Variants in CYP4X1 observed in about 807,000 individuals in gnomAD.
CYP4X1 encodes the protein cytochrome P450 family 4 subfamily X member 1, also known as cytochrome P450 4X1.
A neutral mutation model predicts 57.9 loss-of-function variants in CYP4X1; 44 were observed. The observed-to-expected ratio is 0.76, with a 90% CI of 0.60 to 0.98. The LOEUF (loss-of-function observed/expected upper bound fraction) is 0.98, where lower values mean the gene tolerates loss of function less well. Ranked by LOEUF, CYP4X1 falls within the 50% of genes least tolerant of loss-of-function variation. The pLI is 0.00. For missense variants in CYP4X1, 532 were observed against 623.9 expected (o/e 0.85, Z 1.57); for synonymous variants, 227 against 228.6 (o/e 0.99, Z 0.06).
the CYP4X1 span, chr1:46,961,778 T>A: frequency 7.7e-7 from 1 of 1,304,832 alleles, no homozygotes; most frequent in Non-Finnish European, 1.0e-6. Context: ...CCTGCCTTTC[T>A]TGCCTTGCCC....
Position 47,050,294 on chromosome 1 carries a change from G to A in CYP4X1, c.*120G>A, listed in dbSNP as rs901805444. ...GAGGATTGGAGGTTGGTGGGATAGG[G>A]GTCTCTGTGAAGAGATCCAAAATCA... On this transcript the variant is annotated 3_prime_UTR_variant, in exon 12 of 12. Transcript: ENST00000371901. 26 of 1,146,824 alleles carry A rather than the reference G, an allele frequency of 2.3e-5. 1 individual carries two copies. The Admixed American group carries it at 2.4e-4, about 11-fold the overall frequency. 71.0% of individuals were successfully genotyped at this position (1,146,824 alleles called of 1,614,324 possible).
the CYP4X1 span, among the ~76,000 whole-genome samples, chr1:46,980,960 GCACCTTATA>G: frequency 6.6e-6 from 1 of 151,980 alleles, no homozygotes; most frequent in Non-Finnish European, 1.5e-5. Context: ...TCCCTTCCTT[GCACCTTATA>G]CAAAATTTAA....
At chr1:47,035,615 C>T (rs766004796) in intron 4 of CYP4X1, among the ~76,000 whole-genome samples, 191 bp from the exon 5 acceptor site, 12 of 152,154 alleles carry the variant, frequency 7.9e-5, no homozygotes, top group Admixed American at 1.3e-4. Flanking sequence ...CTTCTCACTC[C>T]GCTGGGTGTA....
At chr1:47,006,435 A>G in the CYP4X1 span, among the ~76,000 whole-genome samples, 1 of 152,176 alleles carries the variant, frequency 6.6e-6, no homozygotes, top group East Asian at 1.9e-4. Flanking sequence ...CTGATTCAGA[A>G]GTTATCTAAG....
chr1:46,998,441 T>C, the CYP4X1 span, among the ~76,000 whole-genome samples: 1 of 152,184 alleles, frequency 6.6e-6, no homozygotes, highest in African/African-American at 2.4e-5. Context: ...AGTTTTTTCT[T>C]TTTGAGCTTT....
At chr1:46,990,119 A>C in the CYP4X1 span, among the ~76,000 whole-genome samples, 1 of 152,258 alleles carries the variant, frequency 6.6e-6, no homozygotes, top group East Asian at 1.9e-4. Context: ...AGCATCCTAC[A>C]GAATGGGAGA....
At chr1:47,047,228 G>T (rs1349377144) in intron 9 of CYP4X1, among the ~76,000 whole-genome samples, 2 of 152,158 alleles carry the variant, frequency 1.3e-5, no homozygotes, top group Non-Finnish European at 2.9e-5. Flanking sequence ...CCTGAGTCTG[G>T]AGCCTAGAGT....
chr1:47,050,720 T>A lies in CYP4X1; in HGVS notation c.*546T>A, dbSNP rs978232603. On this transcript the variant is annotated 3_prime_UTR_variant, in exon 12 of 12. Coordinates refer to ENST00000371901, the MANE Select transcript of CYP4X1 (RefSeq NM_178033.2). ...TCATTCCTATATTGTTATTGATTTT[T>A]TTCACTTAATAAAAATTCACCTTAT... 6.6e-6 allele frequency: 1 copy of A among 152,266 alleles called. No homozygotes were observed. Among genetic ancestry groups the A allele is most frequent in the African/African-American group, 2.4e-5 (1 of 41,444 alleles). The allele number at this position is 152,266 out of a possible 1,614,324, so 9.4% of individuals were successfully genotyped here.
chr1:47,046,645 C>A (rs1644306144), intron 9 of CYP4X1, 45 bp downstream of exon 9: 1 of 1,612,858 alleles, frequency 6.2e-7, no homozygotes, highest in African/African-American at 1.3e-5. Context: ...GCTATGGGAT[C>A]CTGGAGACCA....
At chr1:46,964,120 TTGG>T in the CYP4X1 span, among the ~76,000 whole-genome samples, 3 of 152,210 alleles carry the variant, frequency 2.0e-5, no homozygotes, top group Non-Finnish European at 4.4e-5. Flanking sequence ...CTTCTCTACA[TTGG>T]TTATTCTAGT....
upstream of CYP4X1, among the ~76,000 whole-genome samples, chr1:47,021,269 T>C (rs1643993805): frequency 6.6e-6 from 1 of 151,932 alleles, no homozygotes; most frequent in East Asian, 1.9e-4. Context: ...ATTTTCTAAA[T>C]TCCTTTCTCT....
the CYP4X1 span, among the ~76,000 whole-genome samples, chr1:46,968,317 GTCCCTGCT>G: frequency 6.6e-6 from 1 of 151,996 alleles, no homozygotes; most frequent in African/African-American, 2.4e-5. Context: ...ACTCTCTGGC[GTCCCTGCT>G]TCCCCTTTCT....
In CYP4X1 at chr1:47,035,860, C is replaced by T. The variant is rs1644174223; in HGVS notation, c.547C>T (p.His183Tyr). The T allele has an allele frequency of 6.2e-7, 1 of 1,613,642 alleles. No individual in the cohort carries two copies. The highest frequency in any genetic ancestry group is 8.5e-7 in the Non-Finnish European group (1 of 1,179,752). Residue 183 changes from histidine (H) to tyrosine (Y), a missense_variant, in exon 5 of 12, where the codon CAC (histidine) becomes TAC (tyrosine). By Grantham distance (83) the His-to-Tyr change is moderately conservative. Coordinates refer to ENST00000371901, the MANE Select transcript of CYP4X1 (RefSeq NM_178033.2). Reference protein sequence around the residue: ...TQDTSVEVYEHINSMSLDIIM... With the variant: ...TQDTSVEVYEYINSMSLDIIM... ...GGACACAAGCGTGGAGGTCTATGAGCACATCAACTCGATGTCTCTGGATAT... is the reference window on the plus strand; with the variant it reads ...GGACACAAGCGTGGAGGTCTATGAGTACATCAACTCGATGTCTCTGGATAT...
chr1:46,991,428 C>T, the CYP4X1 span, among the ~76,000 whole-genome samples: 1 of 152,144 alleles, frequency 6.6e-6, no homozygotes, highest in Non-Finnish European at 1.5e-5. Flanking sequence ...GGGAATTCCA[C>T]GCTTACCTCC....
At chr1:47,052,872 T>G (rs538545273), downstream of CYP4X1, among the ~76,000 whole-genome samples, 7 of 152,340 alleles carry the variant, frequency 4.6e-5, no homozygotes, top group East Asian at 1.3e-3. Flanking sequence ...GTGATTTGTC[T>G]GTACACTGTT....
upstream of CYP4X1, among the ~76,000 whole-genome samples, chr1:47,021,033 T>C (rs1448027456): frequency 6.7e-6 from 1 of 149,092 alleles, no homozygotes; most frequent in African/African-American, 2.5e-5. Flanking sequence ...GGGGCTTATT[T>C]CCATCTAGAG....
chr1:47,022,279 C>G (rs1644005436), upstream of CYP4X1, among the ~76,000 whole-genome samples: 2 of 142,336 alleles, frequency 1.4e-5, no homozygotes, highest in African/African-American at 2.6e-5. Context: ...CCCCTGGGGC[C>G]TGTCTTTTTT....
At chr1:47,036,407 A>G (rs991752302) in intron 6 of CYP4X1, among the ~76,000 whole-genome samples, 1 of 102,784 alleles carries the variant, frequency 9.7e-6, no homozygotes, top group African/African-American at 3.6e-5. Flanking sequence ...ATTATGGACA[A>G]TTATTATTAA....
chr1:47,044,979 C>T (rs1008097317), intron 8 of CYP4X1, among the ~76,000 whole-genome samples: 4 of 152,094 alleles, frequency 2.6e-5, no homozygotes, highest in South Asian at 2.1e-4. Context: ...GCATGCACCA[C>T]CATGCTCGGC....
Sources: allele counts gnomAD v4.1 joint callset (sites outside exome capture counted in the v4.1 genomes callset), GRCh38; gene constraint gnomAD v4.1.1; transcripts MANE v1.5; gene names NCBI Gene and HGNC (gene_info 2026-07-23, HGNC 2026-07-21).